PEAK1: variants seen among roughly 807,000 people sequenced by gnomAD.
PEAK1 encodes the protein pseudopodium enriched atypical kinase 1, also known as inactive tyrosine-protein kinase PEAK1.
PEAK1 carries 54 observed loss-of-function variants against 124.7 expected under a neutral mutation model. The ratio of observed to expected loss-of-function variants is 0.43; its 90% CI spans 0.35 to 0.54. The LOEUF is 0.54. Among genes scored for constraint, PEAK1 ranks in the 20% least tolerant of loss-of-function variants. The pLI, the probability that PEAK1 is intolerant of heterozygous loss-of-function variation, is 0.01. For missense variants in PEAK1, 2,046 were observed against 2,134.5 expected, an observed-to-expected ratio of 0.96 and a Z score of 0.82; for synonymous variants, 719 against 760.0, an observed-to-expected ratio of 0.95 and a Z score of 0.89.
At chr15:77,355,669 T>C in intron 2 of PEAK1, 1 of 770,968 alleles carries the variant, frequency 1.3e-6, no homozygotes, top group African/African-American at 1.9e-5. Flanking sequence ...AGACCTGGCA[T>C]GGAAGAAGGC....
intron 5 of PEAK1, among the ~76,000 whole-genome samples, chr15:77,256,746 TTTAA>T (rs1241943061): frequency 2.6e-5 from 4 of 152,264 alleles, no homozygotes; most frequent in African/African-American, 7.2e-5. Context: ...ATTATTATAC[TTTAA>T]TTTTCAGGGT....
At chr15:77,194,939 A>G (rs961784374) in intron 6 of PEAK1, among the ~76,000 whole-genome samples, 20 of 152,202 alleles carry the variant, frequency 1.3e-4, no homozygotes, top group African/African-American at 3.6e-4. Flanking sequence ...TGTTGACACC[A>G]ATTACAGCAA....
chr15:77,115,569 A>G (rs2051290968), intron 9 of PEAK1, among the ~76,000 whole-genome samples: 1 of 152,062 alleles, frequency 6.6e-6, no homozygotes, highest in African/African-American at 2.4e-5. Context: ...TTCACAGTAG[A>G]TTGAGGATCT....
intron 2 of PEAK1, among the ~76,000 whole-genome samples, chr15:77,318,759 A>G (rs2153013256): frequency 6.6e-6 from 1 of 152,278 alleles, no homozygotes; most frequent in South Asian, 2.1e-4. Context: ...ATGCGGTATA[A>G]GTAACACAAA....
intron 6 of PEAK1, among the ~76,000 whole-genome samples, chr15:77,198,169 A>G (rs1030122955): frequency 6.6e-6 from 1 of 152,180 alleles, no homozygotes; most frequent in Non-Finnish European, 1.5e-5. Flanking sequence ...TTTTGTAGCC[A>G]CCTTCTGTTG....
chr15:77,404,446 T>G, intron 1 of PEAK1: 1 of 620,032 alleles, frequency 1.6e-6, no homozygotes, highest in Non-Finnish European at 2.0e-6. Flanking sequence ...AAAAATAGAA[T>G]GTAAAATATC....
intron 2 of PEAK1, chr15:77,335,757 C>T: frequency 1.0e-6 from 1 of 981,922 alleles, no homozygotes; most frequent in South Asian, 4.7e-5. Context: ...TCCCAAAGTG[C>T]TCAGATTACA....
chr15:77,281,864 C>A (rs917383840), intron 5 of PEAK1, among the ~76,000 whole-genome samples: 1 of 152,126 alleles, frequency 6.6e-6, no homozygotes, highest in African/African-American at 2.4e-5. Flanking sequence ...ACTGATCTTA[C>A]AAATGCAGGC....
At chr15:77,211,554 A>G (rs1400227502) in intron 6 of PEAK1, among the ~76,000 whole-genome samples, 3 of 152,158 alleles carry the variant, frequency 2.0e-5, no homozygotes, top group Non-Finnish European at 4.4e-5. Flanking sequence ...ATTATTCAAT[A>G]AAAGTGACTG....
chr15:77,364,415 C>T (rs952584268), intron 2 of PEAK1, among the ~76,000 whole-genome samples: 2 of 152,024 alleles, frequency 1.3e-5, no homozygotes, highest in Non-Finnish European at 2.9e-5. Flanking sequence ...GTAAAATAAT[C>T]CTTAAGGAAT....
chr15:77,376,113 AAC>A (rs1326916855), intron 1 of PEAK1, among the ~76,000 whole-genome samples: 107 of 151,682 alleles, frequency 7.1e-4, no homozygotes, highest in African/African-American at 2.4e-3. Flanking sequence ...AACTTTTTTG[AAC>A]ACACATAACA....
At chr15:77,166,370 C>T (rs1046892912) in intron 7 of PEAK1, among the ~76,000 whole-genome samples, 3 of 152,166 alleles carry the variant, frequency 2.0e-5, no homozygotes, top group African/African-American at 7.2e-5. Context: ...TTATTATGTG[C>T]CTGTTTTAAG....
chr15:77,102,384 C>T (rs2050702819), exon 7 of PEAK1: 1 of 152,152 alleles, frequency 6.6e-6, no homozygotes, highest in Admixed American at 6.5e-5. Context: ...TTTCCATGGA[C>T]AAAGGTTTAT....
intron 9 of PEAK1, among the ~76,000 whole-genome samples, chr15:77,129,981 T>C (rs1411856039): frequency 6.6e-6 from 1 of 152,110 alleles, no homozygotes; most frequent in Admixed American, 6.6e-5. Flanking sequence ...TACCAGAGGG[T>C]CTTAAAAGAG....
At chr15:77,253,250 G>T (rs149634475) in intron 5 of PEAK1, among the ~76,000 whole-genome samples, 1,559 of 149,972 alleles carry the variant, frequency 0.01, 43 homozygotes, top group African/African-American at 0.036. Context: ...TGCGTTGGGG[G>T]GGGGGTGGTC....
chr15:77,304,158 T>C (rs759667992), intron 2 of PEAK1, among the ~76,000 whole-genome samples: 7 of 152,230 alleles, frequency 4.6e-5, no homozygotes, highest in Non-Finnish European at 1.0e-4. Flanking sequence ...CCACTGACTA[T>C]ACTAGGTATT....
At chr15:77,266,774 A>T (rs1480365989) in intron 5 of PEAK1, among the ~76,000 whole-genome samples, 4 of 152,166 alleles carry the variant, frequency 2.6e-5, no homozygotes, top group African/African-American at 9.7e-5. Flanking sequence ...CCACATCACG[A>T]ACTTCTGCTC....
At chr15:77,231,019 AC>A (rs1431255259) in intron 6 of PEAK1, among the ~76,000 whole-genome samples, 1 of 152,194 alleles carries the variant, frequency 6.6e-6, no homozygotes, top group Non-Finnish European at 1.5e-5. Flanking sequence ...TCTCTATAGG[AC>A]CAGCCCAGTG....
intron 8 of PEAK1, among the ~76,000 whole-genome samples, chr15:77,149,122 C>A (rs1253906068): frequency 1.3e-5 from 2 of 152,138 alleles, no homozygotes; most frequent in Non-Finnish European, 1.5e-5. Context: ...AGCCAGCCCA[C>A]AATCATGCAA....
Sources: allele counts gnomAD v4.1 joint callset (sites outside exome capture counted in the v4.1 genomes callset), GRCh38; gene constraint gnomAD v4.1.1; transcripts MANE v1.5; gene names NCBI Gene and HGNC (gene_info 2026-07-23, HGNC 2026-07-21).